CDC42BPA: variants seen among roughly 807,000 people sequenced by gnomAD.
CDC42BPA encodes the protein CDC42 binding protein kinase alpha.
CDC42BPA carries 80 observed loss-of-function variants against 223.5 expected under a neutral mutation model. The observed-to-expected ratio is 0.36, with a 90% CI of 0.30 to 0.43. CDC42BPA has a LOEUF of 0.43. Ranked by LOEUF, CDC42BPA falls within the 20% of genes least tolerant of loss-of-function variation. The probability of loss-of-function intolerance (pLI) is 1.00; values close to 1 mark genes in which losing one functional copy is unlikely to be tolerated. For missense variants in CDC42BPA, 1,743 were observed against 2,099.9 expected, an observed-to-expected ratio of 0.83 and a Z score of 3.32; for synonymous variants, 694 against 718.6, an observed-to-expected ratio of 0.97 and a Z score of 0.55.
At chr1:227,052,093 A>C (rs1673637313) in intron 21 of CDC42BPA, 108 bp from the exon 22 acceptor site, 1 of 531,158 alleles carries the variant, frequency 1.9e-6, no homozygotes, top group Non-Finnish European at 3.5e-6. Context: ...TTCTTGAGAA[A>C]GGAGGATAAC....
chr1:227,143,901 T>C (rs1310970631), intron 8 of CDC42BPA, among the ~76,000 whole-genome samples: 10 of 152,212 alleles, frequency 6.6e-5, no homozygotes, highest in Non-Finnish European at 1.5e-4. Context: ...GGATCAACTG[T>C]ACTATGTATT....
chr1:227,125,372 A>G (rs1001853194), intron 11 of CDC42BPA, among the ~76,000 whole-genome samples: 8 of 151,904 alleles, frequency 5.3e-5, no homozygotes, highest in African/African-American at 1.9e-4. Flanking sequence ...AGCACTTTGG[A>G]AAGCTGAGGA....
chr1:227,312,880 C>A (rs1414132844), intron 1 of CDC42BPA, among the ~76,000 whole-genome samples: 1 of 152,108 alleles, frequency 6.6e-6, no homozygotes, highest in Admixed American at 6.5e-5. Flanking sequence ...CCTCCCACTC[C>A]AGCCATGCAG....
At chr1:227,125,819 A>T (rs924055867) in intron 11 of CDC42BPA, among the ~76,000 whole-genome samples, 7 of 152,132 alleles carry the variant, frequency 4.6e-5, no homozygotes, top group Non-Finnish European at 2.9e-5. Context: ...GGATCCACAC[A>T]GTTCAAATCC....
intron 14 of CDC42BPA, among the ~76,000 whole-genome samples, chr1:227,106,515 T>G (rs1685960440): frequency 6.6e-6 from 1 of 152,174 alleles, no homozygotes; most frequent in Non-Finnish European, 1.5e-5. Flanking sequence ...GTCTGTAATT[T>G]TGTGATTTTT....
chr1:227,161,653 G>C (rs74597033), intron 5 of CDC42BPA, among the ~76,000 whole-genome samples: 3,173 of 152,270 alleles, frequency 0.021, 127 homozygotes, highest in African/African-American at 0.073. Flanking sequence ...GGCCAAATCT[G>C]GTTTGCTGCC....
Position 226,990,784 on chromosome 1 carries a change from A to T in CDC42BPA, c.*3484T>A, listed in dbSNP as rs1660649059. The T allele has an allele frequency of 6.5e-6, 1 of 152,674 alleles. No individual in the cohort carries two copies. Among genetic ancestry groups the T allele is most frequent in the Non-Finnish European group, 1.5e-5 (1 of 68,038 alleles). 9.5% of individuals were successfully genotyped at this position (152,674 alleles called of 1,614,324 possible). On this transcript the variant is annotated 3_prime_UTR_variant, in exon 37 of 37. Coordinates refer to ENST00000366766, the MANE Select transcript of CDC42BPA (RefSeq NM_001394014.1). ...GACGTGGCCACTAAGTAACAAAATGACATAATTCTAACCTATGGAAGGAGA... is the reference window on the plus strand; with the variant it reads ...GACGTGGCCACTAAGTAACAAAATGTCATAATTCTAACCTATGGAAGGAGA...
intron 21 of CDC42BPA, chr1:227,059,554 T>G: frequency 1.3e-6 from 1 of 747,930 alleles, no homozygotes; most frequent in Non-Finnish European, 2.2e-6. Context: ...TACATGTATT[T>G]TTAGGAAAAA....
At chr1:227,176,836 A>C (rs1287593322) in intron 5 of CDC42BPA, among the ~76,000 whole-genome samples, 1 of 152,146 alleles carries the variant, frequency 6.6e-6, no homozygotes, top group Non-Finnish European at 1.5e-5. Context: ...CATGTCTTTT[A>C]TACCTGAAAG....
At chr1:227,260,619 TGAGAAATGAAGACAGAGTCTGAAG>T (rs1683873568) in intron 1 of CDC42BPA, among the ~76,000 whole-genome samples, 1 of 151,114 alleles carries the variant, frequency 6.6e-6, no homozygotes, top group Non-Finnish European at 1.5e-5. Flanking sequence ...GAAGAAAAGA[TGAGAAATGAAGACAGAGTCTGAAG>T]GAGTAAGATA....
chr1:227,186,052 A>G (rs1166704124), intron 5 of CDC42BPA, among the ~76,000 whole-genome samples: 1 of 152,230 alleles, frequency 6.6e-6, no homozygotes, highest in African/African-American at 2.4e-5. Context: ...ACAACTTGGC[A>G]GTTTAAAAAC....
At chr1:227,007,924 A>C (rs976508937) in intron 34 of CDC42BPA, among the ~76,000 whole-genome samples, 2 of 152,206 alleles carry the variant, frequency 1.3e-5, no homozygotes, top group Admixed American at 1.3e-4. Context: ...CTTTAAACAT[A>C]GAAACCCAGG....
intron 21 of CDC42BPA, among the ~76,000 whole-genome samples, chr1:227,065,053 C>T (rs997661163): frequency 2.6e-5 from 4 of 151,524 alleles, no homozygotes; most frequent in Non-Finnish European, 5.9e-5. Flanking sequence ...GCTGAGATCG[C>T]GCCACTGCAC....
At chr1:227,238,089 A>G (rs1679398575) in intron 2 of CDC42BPA, among the ~76,000 whole-genome samples, 1 of 150,700 alleles carries the variant, frequency 6.6e-6, no homozygotes, top group Admixed American at 6.6e-5. Flanking sequence ...ACAGTGGCTC[A>G]TGTCTGTAAT....
intron 26 of CDC42BPA, among the ~76,000 whole-genome samples, chr1:227,033,943 T>C (rs1473618893): frequency 6.6e-6 from 1 of 152,230 alleles, no homozygotes; most frequent in Non-Finnish European, 1.5e-5. Context: ...TAGTAGGTTC[T>C]ATCAGATTTT....
At chr1:227,199,281 A>G (rs11807766) in intron 4 of CDC42BPA, among the ~76,000 whole-genome samples, 4,574 of 152,252 alleles carry the variant, frequency 0.03, 206 homozygotes, top group African/African-American at 0.1. Flanking sequence ...GTATCATGAA[A>G]AACTCCTGAA....
chr1:227,290,858 C>G (rs998251341), intron 1 of CDC42BPA, among the ~76,000 whole-genome samples: 4 of 152,084 alleles, frequency 2.6e-5, no homozygotes, highest in Non-Finnish European at 5.9e-5. Flanking sequence ...AGGGGAAACA[C>G]AAAGTATAGC....
chr1:227,185,040 T>C (rs1287246180), intron 5 of CDC42BPA, among the ~76,000 whole-genome samples: 1 of 152,204 alleles, frequency 6.6e-6, no homozygotes, highest in Non-Finnish European at 1.5e-5. Flanking sequence ...TTTATCTTTA[T>C]AACATCATAC....
At chr1:227,269,438 T>C (rs1218080116) in intron 1 of CDC42BPA, among the ~76,000 whole-genome samples, 1 of 152,204 alleles carries the variant, frequency 6.6e-6, no homozygotes, top group Non-Finnish European at 1.5e-5. Flanking sequence ...TGGAGCATAT[T>C]CACATAACAT....
Sources: gnomAD v4.1 joint callset for allele counts (sites outside exome capture counted in the v4.1 genomes callset) on GRCh38, gnomAD v4.1.1 for gene constraint, MANE v1.5 for transcripts, NCBI Gene and HGNC (gene_info 2026-07-23, HGNC 2026-07-21) for gene names.